The following LRRFIP2 variants were observed in gnomAD, a reference collection of about 807,000 sequenced individuals.
LRRFIP2 encodes the protein leucine-rich repeat flightless-interacting protein 2.
A neutral mutation model predicts 125.9 loss-of-function variants in LRRFIP2; 109 were observed. The observed-to-expected ratio is 0.87, with a 90% confidence interval of 0.74 to 1.01. The LOEUF is 1.01. Among genes scored for constraint, LRRFIP2 ranks in the 50% least tolerant of loss-of-function variants. LRRFIP2 has a pLI of 0.00. For synonymous variants in LRRFIP2, 291 were observed against 293.1 expected (o/e 0.99, Z 0.07); for missense variants, 850 against 862.3 (o/e 0.99, Z 0.18).
intron 24 of LRRFIP2, 143 bp from the exon 25 acceptor site, chr3:37,059,053 TAGG>T (rs2087748477): frequency 1.0e-6 from 1 of 965,452 alleles, no homozygotes; most frequent in Non-Finnish European, 1.5e-6. Context: ...GAGTGCCTAA[TAGG>T]AGACACACAT....
At chr3:37,136,931 A>G (rs1398388163) in intron 2 of LRRFIP2, among the ~76,000 whole-genome samples, 3 of 116,366 alleles carry the variant, frequency 2.6e-5, no homozygotes. Context: ...CTTAGCAAGG[A>G]TAGATCCTTA....
At chr3:37,120,536 GA>G (rs2094983951) in intron 6 of LRRFIP2, among the ~76,000 whole-genome samples, 1 of 151,486 alleles carries the variant, frequency 6.6e-6, no homozygotes, top group Non-Finnish European at 1.5e-5. Context: ...CATTCACCAA[GA>G]AAAACAGCCA....
rs148787856 is a variant in LRRFIP2, at chr3:37,066,231, G to A, written c.1559C>T (p.Thr520Met). 167 of 1,613,444 alleles carry A rather than the reference G, an allele frequency of 1.0e-4. No homozygotes were observed. The African/African-American group carries it at 1.7e-3, about 17-fold the overall frequency. ...ELADLQETVK[T>M]GEKHGLVIIP... ...AGGCTAATGCTAACATACCTCTCCC[G>A]TCTTCACTGTCTCCTGCAGGTCAGC... Residue 520 changes from threonine (T) to methionine (M), a missense_variant, in exon 22 of 28, where the codon ACG (threonine) becomes ATG (methionine). Transcript: ENST00000336686.
intron 15 of LRRFIP2, among the ~76,000 whole-genome samples, chr3:37,097,310 A>T (rs1051770173): frequency 7.9e-5 from 12 of 152,232 alleles, no homozygotes; most frequent in Middle Eastern, 3.4e-3. Flanking sequence ...GTCTTTAAAA[A>T]AATTCTAGTA....
chr3:37,149,054 A>G lies in LRRFIP2; in HGVS notation c.-55-16T>C, dbSNP rs1309399255. 6 of 1,581,918 alleles carry G rather than the reference A, an allele frequency of 3.8e-6. No individual in the cohort carries two copies. In the Admixed American group the frequency reaches 7.4e-5, roughly 20 times the overall value. On this transcript the variant is annotated splice_polypyrimidine_tract_variant and intron_variant, in intron 1 of 27. Transcript: ENST00000336686. ...GTTTTCAGCCCTGAAGTAAACAAAA[A>G]CATAATAACTTAAGGTATTTCTTTG...
chr3:37,168,710 T>G (rs1279328602), intron 1 of LRRFIP2, among the ~76,000 whole-genome samples: 1 of 152,240 alleles, frequency 6.6e-6, no homozygotes, highest in Non-Finnish European at 1.5e-5. Context: ...GATGTTCCAG[T>G]CAACAATGGA....
At chr3:37,162,459 C>T (rs1209412713) in intron 1 of LRRFIP2, among the ~76,000 whole-genome samples, 1 of 152,130 alleles carries the variant, frequency 6.6e-6, no homozygotes, top group Non-Finnish European at 1.5e-5. Flanking sequence ...TGCCTTCAAA[C>T]TCTTGAAGGA....
At chr3:37,124,738 T>C (rs944785687) in intron 4 of LRRFIP2, among the ~76,000 whole-genome samples, 3 of 152,030 alleles carry the variant, frequency 2.0e-5, no homozygotes, top group Non-Finnish European at 4.4e-5. Context: ...ACCAATTACA[T>C]AAGAAAAAAA....
chr3:37,054,631 C>G (rs1489632537), intron 26 of LRRFIP2, 116 bp from the exon 27 acceptor site: 5 of 694,542 alleles, frequency 7.2e-6, no homozygotes, highest in Non-Finnish European at 1.0e-5. Context: ...TAACAAGTCC[C>G]CTAAGGGTGA....
At position 37,102,997 on chromosome 3, in the gene LRRFIP2, T is replaced by A. The variant is rs147695861; in HGVS notation, c.800A>T (p.Tyr267Phe). 6.4e-7 allele frequency: 1 copy of A among 1,562,876 alleles called. No homozygotes were observed. The highest frequency in any genetic ancestry group is 1.4e-5 in the African/African-American group (1 of 73,772). ...TCCCCTACGATTGGAGCGACTGAAA[T>A]AATCAGCGGCAGATACCTTTCGGTC... ...RRESVVSAAD[Y>F]FSRSNRRGSV... The change falls in exon 15 of 28, where the codon TAT (tyrosine) becomes TTT (phenylalanine). Residue 267 changes from tyrosine to phenylalanine, a missense_variant. Tyr to Phe is a conservative substitution (Grantham distance 22). Coordinates refer to ENST00000336686, the MANE Select transcript of LRRFIP2 (RefSeq NM_006309.4).
chr3:37,170,087 C>T (rs886570724), intron 1 of LRRFIP2, among the ~76,000 whole-genome samples: 9 of 152,148 alleles, frequency 5.9e-5, no homozygotes, highest in Non-Finnish European at 1.2e-4. Flanking sequence ...ACATTATCAT[C>T]ATCATCATTC....
intron 17 of LRRFIP2, among the ~76,000 whole-genome samples, chr3:37,093,892 T>C (rs1431743497): frequency 6.6e-6 from 1 of 152,220 alleles, no homozygotes; most frequent in Non-Finnish European, 1.5e-5. Flanking sequence ...TGAGGAAGCC[T>C]TCCCCCTTCA....
At chr3:37,141,014 T>C (rs562411789) in intron 2 of LRRFIP2, among the ~76,000 whole-genome samples, 1 of 152,136 alleles carries the variant, frequency 6.6e-6, no homozygotes, top group East Asian at 1.9e-4. Flanking sequence ...CAAACCCCCA[T>C]CTCTACAAAA....
chr3:37,127,387 A>C (rs1418962765), intron 4 of LRRFIP2, among the ~76,000 whole-genome samples: 1 of 152,130 alleles, frequency 6.6e-6, no homozygotes, highest in East Asian at 1.9e-4. Flanking sequence ...ACACACATTC[A>C]TTTTCTCACT....
At chr3:37,163,014 C>T (rs2096387360) in intron 1 of LRRFIP2, among the ~76,000 whole-genome samples, 1 of 152,242 alleles carries the variant, frequency 6.6e-6, no homozygotes, top group Non-Finnish European at 1.5e-5. Flanking sequence ...GCAATCTACT[C>T]TCCCAATCAC....
intron 2 of LRRFIP2, among the ~76,000 whole-genome samples, chr3:37,147,968 A>G (rs2095901005): frequency 1.3e-5 from 2 of 152,180 alleles, no homozygotes; most frequent in African/African-American, 4.8e-5. Flanking sequence ...GTTACCAGCT[A>G]ACAGAATTAA....
chr3:37,070,729 C>T (rs919467201), intron 21 of LRRFIP2, among the ~76,000 whole-genome samples: 1 of 151,554 alleles, frequency 6.6e-6, no homozygotes, highest in Admixed American at 6.6e-5. Context: ...GATTCCATCT[C>T]AAAAAAAGAA....
chr3:37,153,185 A>G (rs927955220), intron 1 of LRRFIP2, among the ~76,000 whole-genome samples: 3 of 152,068 alleles, frequency 2.0e-5, no homozygotes, highest in African/African-American at 7.2e-5. Context: ...CTGCTTGAGC[A>G]TAGGAGTTTG....
In LRRFIP2 at chr3:37,129,072, T is replaced by A; in HGVS notation, c.168A>T (p.Gln56His). The A allele has an allele frequency of 6.2e-7, 1 of 1,614,148 alleles. No homozygotes were observed. The change falls in exon 3 of 28, where the codon CAA (glutamine) becomes CAT (histidine). Residue 56 changes from glutamine to histidine, a missense_variant. By Grantham distance (24) the Gln-to-His change is conservative. Transcript: ENST00000336686. ...TATTCCCTCAAATTACCTCTTTTTG[T>A]TGTCGTTCCAGTTCTCTCATGCGTA... ...RDIRMRELER[Q>H]QKEYSLHSFD...
Sources: allele counts gnomAD v4.1 joint callset (sites outside exome capture counted in the v4.1 genomes callset), GRCh38; gene constraint gnomAD v4.1.1; transcripts MANE v1.5; gene names NCBI Gene and HGNC (gene_info 2026-07-23, HGNC 2026-07-21).